The following NRG1 variants were observed in gnomAD, a reference collection of about 807,000 sequenced individuals.
NRG1 encodes the protein pro-neuregulin-1, membrane-bound isoform.
In NRG1, 18 loss-of-function variants were observed where a neutral mutation model predicts 63.8. That is an observed-to-expected ratio of 0.28 (90% CI 0.19 to 0.42). The LOEUF (loss-of-function observed/expected upper bound fraction) is 0.42. Ranked by LOEUF, NRG1 falls within the 10% of genes least tolerant of loss-of-function variation. NRG1 has a pLI of 1.00. For synonymous variants in NRG1, 302 were observed against 301.3 expected (o/e 1.00, Z -0.02); for missense variants, 762 against 814.7 (o/e 0.94, Z 0.79).
chr8:32,649,178 T>C (rs1854404128), intron 5 of NRG1, among the ~76,000 whole-genome samples: 1 of 151,426 alleles, frequency 6.6e-6, no homozygotes, highest in Non-Finnish European at 1.5e-5. Flanking sequence ...TTTTTTTTTT[T>C]TTGATGTATG....
intron 1 of NRG1, among the ~76,000 whole-genome samples, chr8:31,644,989 A>T (rs28500473): frequency 0.23 from 34,410 of 152,050 alleles, 4,294 homozygotes; most frequent in African/African-American, 0.28. Flanking sequence ...GCAATTTGTT[A>T]CCACCCCAAA....
chr8:31,701,274 C>T (rs185702196), intron 1 of NRG1, among the ~76,000 whole-genome samples: 1 of 152,166 alleles, frequency 6.6e-6, no homozygotes, highest in East Asian at 1.9e-4. Context: ...GTCCTTCCTT[C>T]CCCTATCACT....
chr8:32,726,730 G>A (rs1822290458), intron 5 of NRG1, among the ~76,000 whole-genome samples: 1 of 151,870 alleles, frequency 6.6e-6, no homozygotes, highest in Non-Finnish European at 1.5e-5. Context: ...GAAATGAACA[G>A]GAAAGGCAGA....
chr8:32,314,212 G>T (rs745694737), intron 1 of NRG1, among the ~76,000 whole-genome samples: 25 of 151,144 alleles, frequency 1.7e-4, no homozygotes, highest in Non-Finnish European at 2.9e-4. Context: ...ATTCTTCTTC[G>T]GGGCAGAGTG....
In NRG1 at chr8:32,046,271, AAAC is replaced by A. The variant is rs537353265; in HGVS notation, c.37+406843_37+406845del. ...CACTAGAATGATAATTATAAAAAGA[AAAC>A]AAAACGAAAGACCCTTTCACTACCA... is the stretch of plus-strand genomic sequence containing the variant. On this transcript the variant is annotated intron_variant, in intron 1 of 10. Coordinates refer to the NRG1 transcript ENST00000519301. Among the ~76,000 whole-genome samples the A allele has an allele frequency of 4.2e-3, 633 of 152,228 alleles. 7 individuals carry two copies. Among genetic ancestry groups the A allele is most frequent in the African/African-American group, 0.014 (600 of 41,564 alleles).
intron 1 of NRG1, among the ~76,000 whole-genome samples, chr8:32,509,982 AT>A (rs577909446): frequency 6.6e-6 from 1 of 151,584 alleles, no homozygotes; most frequent in Non-Finnish European, 1.5e-5. Flanking sequence ...AGTTTTTGGA[AT>A]TTTTTTTGCT....
chr8:32,533,392 T>A (rs1242799710), intron 1 of NRG1, among the ~76,000 whole-genome samples: 1 of 152,114 alleles, frequency 6.6e-6, no homozygotes, highest in Non-Finnish European at 1.5e-5. Context: ...TAAATTTTTT[T>A]AGGCTATGTC....
intron 1 of NRG1, among the ~76,000 whole-genome samples, chr8:32,176,638 A>C (rs946804158): frequency 6.6e-6 from 1 of 152,228 alleles, no homozygotes; most frequent in African/African-American, 2.4e-5. Context: ...CAAGAAAAAA[A>C]CAAACAACCC....
chr8:32,586,288 A>G (rs1422334660), intron 1 of NRG1, among the ~76,000 whole-genome samples: 1 of 151,642 alleles, frequency 6.6e-6, no homozygotes. Flanking sequence ...TTGGAAATAC[A>G]TTATAGTTGT....
At chr8:32,648,028 T>C in intron 5 of NRG1, 1 of 1,614,136 alleles carries the variant, frequency 6.2e-7, no homozygotes, top group East Asian at 2.2e-5. Context: ...GACAAGATCT[T>C]TGAATATGAC....
At chr8:32,598,083 G>T (rs1011084758) in intron 2 of NRG1, among the ~76,000 whole-genome samples, 1 of 152,248 alleles carries the variant, frequency 6.6e-6, no homozygotes, top group South Asian at 2.1e-4. Flanking sequence ...GCCCATGAAA[G>T]GTTTTATGCT....
intron 11 of NRG1, chr8:32,760,716 T>G: frequency 8.8e-7 from 1 of 1,139,594 alleles, no homozygotes; most frequent in Non-Finnish European, 1.1e-6. Flanking sequence ...GGGGTCTCAG[T>G]GTCCTCAGTT....
chr8:31,673,218 G>A (rs897015542), intron 1 of NRG1, among the ~76,000 whole-genome samples: 15 of 152,072 alleles, frequency 9.9e-5, no homozygotes, highest in African/African-American at 3.6e-4. Flanking sequence ...TTTGGTGGGA[G>A]AGAAGAGAAT....
At chr8:32,027,523 C>CT (rs1817638816) in intron 1 of NRG1, among the ~76,000 whole-genome samples, 1 of 125,974 alleles carries the variant, frequency 7.9e-6, no homozygotes, top group African/African-American at 3.0e-5. Flanking sequence ...ATAGCGTTTT[C>CT]TTTTCTTTTT....
intron 1 of NRG1, among the ~76,000 whole-genome samples, chr8:31,768,395 A>G (rs969046687): frequency 3.3e-5 from 5 of 152,224 alleles, no homozygotes; most frequent in Non-Finnish European, 7.3e-5. Flanking sequence ...ATAGAAAAAT[A>G]TCCACCTTAT....
chr8:31,896,393 C>G (rs1831580678), intron 1 of NRG1, among the ~76,000 whole-genome samples: 2 of 152,188 alleles, frequency 1.3e-5, no homozygotes, highest in Admixed American at 1.3e-4. Flanking sequence ...CTTTCACTAT[C>G]CGGGGACCCC....
At chr8:32,368,344 AGAT>A (rs2129482534) in intron 1 of NRG1, among the ~76,000 whole-genome samples, 1 of 152,258 alleles carries the variant, frequency 6.6e-6, no homozygotes, top group Admixed American at 6.5e-5. Context: ...CAAGACAGGA[AGAT>A]TGCTTGAGCC....
intron 1 of NRG1, among the ~76,000 whole-genome samples, chr8:32,515,709 G>T (rs114064585): frequency 0.012 from 1,822 of 152,110 alleles, 38 homozygotes; most frequent in African/African-American, 0.041. Context: ...AGAAGTGTTG[G>T]GATTACAGGC....
intron 5 of NRG1, among the ~76,000 whole-genome samples, chr8:32,650,347 G>A (rs1014777987): frequency 3.9e-5 from 6 of 152,002 alleles, no homozygotes; most frequent in South Asian, 2.1e-4. Flanking sequence ...GAAGTGCATC[G>A]GAGATAAGCC....
Sources: gnomAD v4.1 joint callset for allele counts (sites outside exome capture counted in the v4.1 genomes callset) on GRCh38, gnomAD v4.1.1 for gene constraint, MANE v1.5 for transcripts, NCBI Gene and HGNC (gene_info 2026-07-23, HGNC 2026-07-21) for gene names.